PLCB4: variants seen among roughly 807,000 people sequenced by gnomAD.
PLCB4 encodes phospholipase C beta 4, also known as 1-phosphatidylinositol 4,5-bisphosphate phosphodiesterase beta-4.
Under a neutral mutation model 178.8 loss-of-function variants are expected in PLCB4, and 77 were observed. That is an observed-to-expected ratio of 0.43 (90% CI 0.36 to 0.52). PLCB4 has a LOEUF of 0.52. PLCB4 is among the 20% of genes least tolerant of loss of function. The pLI is 0.00. For missense variants in PLCB4, 1,024 were observed against 1,453.4 expected (o/e 0.70, Z 4.80); for synonymous variants, 496 against 490.8 (o/e 1.01, Z -0.14).
intron 2 of PLCB4, among the ~76,000 whole-genome samples, chr20:9,149,938 C>A (rs1057024158): frequency 1.3e-5 from 2 of 152,160 alleles, no homozygotes; most frequent in African/African-American, 4.8e-5. Context: ...TTAGTTAACC[C>A]TCTGAAGCAG....
intron 36 of PLCB4, among the ~76,000 whole-genome samples, chr20:9,469,523 G>T (rs894081026): frequency 6.6e-6 from 1 of 152,204 alleles, no homozygotes. Flanking sequence ...AGGAATTGAT[G>T]TGCTTGTGAT....
intron 35 of PLCB4, among the ~76,000 whole-genome samples, chr20:9,467,761 A>G (rs1466337697): frequency 2.6e-5 from 4 of 152,220 alleles, no homozygotes; most frequent in Non-Finnish European, 5.9e-5. Flanking sequence ...AGTATTGCCC[A>G]TCTCTTTGGA....
chr20:9,181,660 G>A (rs1348315582), intron 2 of PLCB4, among the ~76,000 whole-genome samples: 1 of 152,052 alleles, frequency 6.6e-6, no homozygotes, highest in Admixed American at 6.6e-5. Context: ...CTTTTATAAT[G>A]CTGTAAATCC....
chr20:9,382,038 G>A (rs1024294381), intron 13 of PLCB4, among the ~76,000 whole-genome samples: 2 of 152,078 alleles, frequency 1.3e-5, no homozygotes, highest in African/African-American at 4.8e-5. Context: ...TGTTGAATGG[G>A]CATTTCCAAT....
intron 2 of PLCB4, among the ~76,000 whole-genome samples, chr20:9,142,030 C>G (rs926915310): frequency 6.6e-6 from 1 of 152,026 alleles, no homozygotes; most frequent in Non-Finnish European, 1.5e-5. Context: ...GAGTGAGATC[C>G]TTGGAGGCCA....
At chr20:9,450,196 A>T (rs57472700) in intron 32 of PLCB4, among the ~76,000 whole-genome samples, 32,898 of 152,166 alleles carry the variant, frequency 0.22, 4,068 homozygotes, top group East Asian at 0.36. Context: ...TGAGAAATGT[A>T]TGTCTCTTCA....
At chr20:9,262,465 A>C (rs1383491840) in intron 3 of PLCB4, among the ~76,000 whole-genome samples, 1 of 152,148 alleles carries the variant, frequency 6.6e-6, no homozygotes, top group Non-Finnish European at 1.5e-5. Flanking sequence ...AGCATGGAGG[A>C]TGAGGCAGGA....
intron 12 of PLCB4, among the ~76,000 whole-genome samples, chr20:9,378,746 A>C (rs975132188): frequency 6.6e-6 from 1 of 152,126 alleles, no homozygotes; most frequent in Non-Finnish European, 1.5e-5. Context: ...AATTGATGAA[A>C]TTTGATATTG....
chr20:9,151,594 C>G (rs1472776065), intron 2 of PLCB4, among the ~76,000 whole-genome samples: 1 of 152,140 alleles, frequency 6.6e-6, no homozygotes, highest in African/African-American at 2.4e-5. Flanking sequence ...TTTCAGCCTC[C>G]CGCCATGATT....
At position 9,473,775 on chromosome 20, in the gene PLCB4, G is replaced by C. The variant is rs372643265; in HGVS notation, c.3495+410G>C. On this transcript the variant is annotated intron_variant, in intron 38 of 39. Coordinates refer to ENST00000378473, the MANE Select transcript of PLCB4 (RefSeq NM_001377142.1). ...CTATTTTCAAACTCAATCTGAAAAC[G>C]AAGTTTAAAAACCTCCCTGGGACTT... 2.4e-4 allele frequency among the ~76,000 whole-genome samples: 37 copies of C among 152,140 alleles called. 1 individual carries two copies. Among genetic ancestry groups the C allele is most frequent in the African/African-American group, 8.9e-4 (37 of 41,512 alleles).
intron 3 of PLCB4, among the ~76,000 whole-genome samples, chr20:9,297,719 G>C (rs1309778974): frequency 6.6e-6 from 1 of 151,918 alleles, no homozygotes; most frequent in East Asian, 1.9e-4. Flanking sequence ...AATGACAAGG[G>C]ATTATCAGGC....
At chr20:9,438,736 A>T (rs2041934358) in intron 30 of PLCB4, among the ~76,000 whole-genome samples, 1 of 152,188 alleles carries the variant, frequency 6.6e-6, no homozygotes, top group Non-Finnish European at 1.5e-5. Flanking sequence ...TTTTGAGAAG[A>T]TGCTGTAGAC....
chr20:9,344,671 A>G (rs1433268254), intron 7 of PLCB4, among the ~76,000 whole-genome samples: 1 of 152,218 alleles, frequency 6.6e-6, no homozygotes, highest in East Asian at 1.9e-4. Flanking sequence ...TGATTCAATG[A>G]TAGTCTAAAG....
chr20:9,435,055 C>T (rs1267263780), intron 28 of PLCB4, among the ~76,000 whole-genome samples: 1 of 152,134 alleles, frequency 6.6e-6, no homozygotes, highest in African/African-American at 2.4e-5. Context: ...TACCATGGAA[C>T]CAAAATTGGC....
At position 9,365,448 on chromosome 20, in the gene PLCB4, T is replaced by C; in HGVS notation, c.450-13T>C. The C allele has an allele frequency of 6.3e-7, 1 of 1,581,040 alleles. No individual in the cohort carries two copies. On this transcript the variant is annotated splice_polypyrimidine_tract_variant and intron_variant, in intron 8 of 39. Coordinates refer to ENST00000378473, the MANE Select transcript of PLCB4 (RefSeq NM_001377142.1). Reference sequence around the variant, plus strand: ...AGAAACATTAAGGCAATGTTATTGCTATTGTTTTGCAGCTGGATGAAATTG... The same window carrying C: ...AGAAACATTAAGGCAATGTTATTGCCATTGTTTTGCAGCTGGATGAAATTG...
intron 2 of PLCB4, among the ~76,000 whole-genome samples, chr20:9,147,213 C>T (rs1371069355): frequency 6.6e-6 from 1 of 152,090 alleles, no homozygotes; most frequent in Non-Finnish European, 1.5e-5. Flanking sequence ...GTTAAATAGA[C>T]TTCTTTATTG....
rs74270205 is a variant in PLCB4 at position 9,266,592 on chromosome 20, A to G, written c.-15-41208A>G. Among the ~76,000 whole-genome samples the G allele has an allele frequency of 2.8e-3, 429 of 152,246 alleles. 5 individuals carry two copies. The East Asian group carries it at 0.043, about 15-fold the overall frequency. ...TAAGCCTTTTTAAAAAACATTCCTT[A>G]TGGAAAAAAATTGCTTAATACTGTC... On this transcript the variant is annotated intron_variant, in intron 3 of 39. Coordinates refer to ENST00000378473, the MANE Select transcript of PLCB4 (RefSeq NM_001377142.1).
intron 30 of PLCB4, among the ~76,000 whole-genome samples, chr20:9,443,219 G>A (rs576662225): frequency 2.0e-4 from 30 of 152,288 alleles, no homozygotes; most frequent in Non-Finnish European, 3.7e-4. Flanking sequence ...ATAGCACATT[G>A]CTTAAATGCT....
chr20:9,135,593 A>G (rs1258980911), intron 2 of PLCB4, among the ~76,000 whole-genome samples: 1 of 152,098 alleles, frequency 6.6e-6, no homozygotes, highest in East Asian at 1.9e-4. Flanking sequence ...TTATAGGTAT[A>G]TCCTATAATG....
Sources: allele counts gnomAD v4.1 joint callset (sites outside exome capture counted in the v4.1 genomes callset), GRCh38; gene constraint gnomAD v4.1.1; transcripts MANE v1.5; gene names NCBI Gene and HGNC (gene_info 2026-07-23, HGNC 2026-07-21).